AGXT2: variants seen among roughly 807,000 people sequenced by gnomAD.
The protein encoded by AGXT2 is alanine--glyoxylate aminotransferase 2.
Under a neutral mutation model 62.5 loss-of-function variants are expected in AGXT2, and 61 were observed. That is an observed-to-expected ratio of 0.98 (90% confidence interval 0.79 to 1.21). The LOEUF is 1.21. Among genes scored for constraint, AGXT2 ranks in the 50% most tolerant of loss-of-function variants. AGXT2 has a pLI of 0.00. For missense variants in AGXT2, 666 were observed against 641.5 expected (o/e 1.04, Z -0.41); for synonymous variants, 243 against 218.7 (o/e 1.11, Z -0.98).
At position 35,014,100 on chromosome 5, in the gene AGXT2, C is replaced by A. The variant is rs1766754149; in HGVS notation, c.983G>T (p.Arg328Met). 3.1e-6 allele frequency: 5 copies of A among 1,613,986 alleles called. No individual in the cohort carries two copies. The highest frequency in any genetic ancestry group is 4.2e-6 in the Non-Finnish European group (5 of 1,180,022). Residue 328 changes from arginine (R) to methionine (M), a missense_variant, in exon 10 of 14, where the codon AGG becomes ATG. Arg to Met is a moderately conservative substitution (Grantham distance 91, BLOSUM62 -1). Transcript: ENST00000231420. ...GAAGCCCCAGAAGTGAGAGCCCAACCTTCCAAATCCTGTCTGCACCTGGGA... is the reference window on the plus strand; with the variant it reads ...GAAGCCCCAGAAGTGAGAGCCCAACATTCCAAATCCTGTCTGCACCTGGGA... ...IADEVQTGFGRLGSHFWGFQT... is the reference protein window; with the variant it reads ...IADEVQTGFGMLGSHFWGFQT...
chr5:35,023,392 A>G (rs1013171983), intron 9 of AGXT2, among the ~76,000 whole-genome samples: 1 of 152,204 alleles, frequency 6.6e-6, no homozygotes, highest in African/African-American at 2.4e-5. Flanking sequence ...AGTTCCAGCT[A>G]TTCTTATTTT....
chr5:35,022,957 G>A (rs1209175305), intron 9 of AGXT2, among the ~76,000 whole-genome samples: 1 of 151,270 alleles, frequency 6.6e-6, no homozygotes, highest in African/African-American at 2.4e-5. Flanking sequence ...TAGCATAAAA[G>A]AGTCTTGGTG....
At chr5:35,011,788 A>G (rs1766651509) in intron 11 of AGXT2, among the ~76,000 whole-genome samples, 1 of 152,036 alleles carries the variant, frequency 6.6e-6, no homozygotes. Context: ...TCAAAGGAAA[A>G]AAAAGCCATT....
chr5:35,046,203 G>C (rs1768200671), intron 1 of AGXT2, among the ~76,000 whole-genome samples: 1 of 152,176 alleles, frequency 6.6e-6, no homozygotes, highest in African/African-American at 2.4e-5. Flanking sequence ...GCTCCACTGT[G>C]CAACTCCACA....
chr5:35,008,282 G>A (rs1561213049), intron 12 of AGXT2, among the ~76,000 whole-genome samples: 1 of 152,264 alleles, frequency 6.6e-6, no homozygotes, highest in East Asian at 1.9e-4. Flanking sequence ...TGTATGAACG[G>A]TCATCTGGGA....
Position 35,010,133 on chromosome 5 carries a change from T to C in AGXT2, c.1205A>G (p.Asn402Ser). The C allele has an allele frequency of 6.2e-7, 1 of 1,614,214 alleles. No homozygotes were observed. The highest frequency in any genetic ancestry group is 2.2e-5 in the East Asian group (1 of 44,878). ...AACTTCTTGACTGTTTTCCTGTAGA[T>C]TTTCTTCTTTAATCACCTGTTAAGA... Reference protein sequence around the residue: ...SAVLEVIKEENLQENSQEVGT... With the variant: ...SAVLEVIKEESLQENSQEVGT... The change falls in exon 12 of 14, where the codon AAT becomes AGT. Residue 402 changes from asparagine (N) to serine (S), a missense_variant. By Grantham distance (46) the Asn-to-Ser change is conservative. Transcript: ENST00000231420.
At position 35,006,901 on chromosome 5, in the gene AGXT2, C is replaced by G. The variant is rs1766447218; in HGVS notation, c.1339-3040G>C. ...TAATTGAGAAACACAAAGCACTTAC[C>G]ATCTGTATGTTTCCTGGCCTCAAAA... On this transcript the variant is annotated intron_variant, in intron 12 of 13. Transcript: ENST00000231420. 1.3e-5 allele frequency among the ~76,000 whole-genome samples: 2 copies of G among 152,124 alleles called. 1 individual carries two copies. Among genetic ancestry groups the G allele is most frequent in the South Asian group, 4.1e-4 (2 of 4,832 alleles).
Position 35,032,767 on chromosome 5 carries a change from G to C in AGXT2, c.734C>G (p.Pro245Arg), listed in dbSNP as rs771996796. 3 of 1,609,726 alleles carry C rather than the reference G, an allele frequency of 1.9e-6. No homozygotes were observed. The South Asian group carries it at 3.3e-5, about 18-fold the overall frequency. Residue 245 changes from proline to arginine, a missense_variant, in exon 7 of 14, where the codon CCA becomes CGA. Coordinates refer to ENST00000231420, the MANE Select transcript of AGXT2 (RefSeq NM_031900.4). ...PWGGSHCRDS[P>R]VQTIRKCSCA... ...GCTGCACTTCCTGATTGTTTGCACT[G>C]GAGAATCTCGACAGTGGCTTCCTCC...
chr5:35,002,782 G>GA (rs550054806), intron 13 of AGXT2, among the ~76,000 whole-genome samples: 1 of 152,002 alleles, frequency 6.6e-6, no homozygotes, highest in East Asian at 1.9e-4. Flanking sequence ...AGGCTGGGGG[G>GA]GGGGACTAAC....
chr5:35,019,981 G>A (rs1214770390), intron 9 of AGXT2, among the ~76,000 whole-genome samples: 2 of 152,144 alleles, frequency 1.3e-5, no homozygotes, highest in East Asian at 3.8e-4. Flanking sequence ...AGAAGAAATG[G>A]ATAAATTCCT....
chr5:35,006,034 G>T (rs981006465), intron 12 of AGXT2, among the ~76,000 whole-genome samples: 1 of 152,090 alleles, frequency 6.6e-6, no homozygotes, highest in African/African-American at 2.4e-5. Context: ...TAAAAAATAA[G>T]TCATTTAATA....
Position 35,012,999 on chromosome 5 carries a change from A to C in AGXT2, c.1143T>G (p.Phe381Leu), listed in dbSNP as rs765600504. The change falls in exon 11 of 14, where the codon TTT (phenylalanine) becomes TTG (leucine). Residue 381 changes from phenylalanine (F) to leucine (L), a missense_variant. Phe to Leu is a conservative substitution (Grantham distance 22, BLOSUM62 0). Transcript: ENST00000231420. Reference protein sequence around the residue: ...LAKCLQHFNTFGGNPMACAIG... With the variant: ...LAKCLQHFNTLGGNPMACAIG... ...TGGCACAGGCCATGGGGTTCCCTCC[A>C]AAGGTGTTGAAGTGCTGCAGGCATT... 1.0e-5 allele frequency: 16 copies of C among 1,551,742 alleles called. No homozygotes were observed. Among genetic ancestry groups the C allele is most frequent in the Non-Finnish European group, 1.3e-5 (15 of 1,147,004 alleles).
At chr5:35,001,639 G>A (rs895866225) in intron 13 of AGXT2, among the ~76,000 whole-genome samples, 1 of 152,176 alleles carries the variant, frequency 6.6e-6, no homozygotes, top group Non-Finnish European at 1.5e-5. Context: ...CAAGCAGGAA[G>A]GGCTTCATAC....
chr5:35,046,069 T>C (rs1768193015), intron 1 of AGXT2, among the ~76,000 whole-genome samples: 2 of 151,910 alleles, frequency 1.3e-5, no homozygotes, highest in African/African-American at 4.8e-5. Flanking sequence ...ACCCGGCCAG[T>C]GGTGTGGTTT....
At chr5:35,024,257 G>A (rs1213818772) in intron 9 of AGXT2, among the ~76,000 whole-genome samples, 1 of 152,098 alleles carries the variant, frequency 6.6e-6, no homozygotes, top group East Asian at 1.9e-4. Flanking sequence ...AGAAATAGGT[G>A]TGAAACATAC....
chr5:35,027,689 T>C lies in AGXT2; in HGVS notation c.770-1179A>G, dbSNP rs555366066. ...GGGGCAGTTTATTTTCCTTGGAATT[T>C]CATTTGTGAGAATTCTTTGAGGCCC... On this transcript the variant is annotated intron_variant, in intron 7 of 13. Transcript: ENST00000231420. 2.0e-5 allele frequency among the ~76,000 whole-genome samples: 3 copies of C among 151,860 alleles called. No individual in the cohort carries two copies. In the East Asian group the frequency reaches 5.8e-4, roughly 29 times the overall value.
At chr5:35,030,108 C>A (rs1206836335) in intron 7 of AGXT2, among the ~76,000 whole-genome samples, 1 of 152,224 alleles carries the variant, frequency 6.6e-6, no homozygotes, top group Non-Finnish European at 1.5e-5. Flanking sequence ...AAAGACCAAA[C>A]CCTTCCCAGG....
At chr5:35,015,914 A>G (rs1014943793) in intron 9 of AGXT2, among the ~76,000 whole-genome samples, 5 of 151,040 alleles carry the variant, frequency 3.3e-5, no homozygotes, top group South Asian at 2.1e-4. Flanking sequence ...ATTTTCAAGG[A>G]CAGATTCCAG....
chr5:35,038,898 A>G (rs1029311058), intron 3 of AGXT2, among the ~76,000 whole-genome samples: 1 of 152,094 alleles, frequency 6.6e-6, no homozygotes, highest in Admixed American at 6.6e-5. Flanking sequence ...TTCCTCTTCC[A>G]TCTCTCAGAG....
Sources: allele counts gnomAD v4.1 joint callset (sites outside exome capture counted in the v4.1 genomes callset), GRCh38; gene constraint gnomAD v4.1.1; transcripts MANE v1.5; gene names NCBI Gene and HGNC (gene_info 2026-07-23, HGNC 2026-07-21).